Variants in NAA60 observed in about 807,000 individuals in gnomAD.
The protein encoded by NAA60 is N-alpha-acetyltransferase 60, NatF catalytic subunit, also known as N-alpha-acetyltransferase 60.
A neutral mutation model predicts 26.1 loss-of-function variants in NAA60; 8 were observed. The observed-to-expected ratio is 0.31, with a 90% confidence interval of 0.18 to 0.55. The LOEUF (loss-of-function observed/expected upper bound fraction) is 0.55. NAA60 is among the 20% of genes least tolerant of loss of function. The pLI is 0.93. For synonymous variants in NAA60, 131 were observed against 122.5 expected, an observed-to-expected ratio of 1.07 and a Z score of -0.46; for missense variants, 290 against 311.3, an observed-to-expected ratio of 0.93 and a Z score of 0.51.
rs956569879 is a variant in NAA60 at position 3,466,266 on chromosome 16, C to G, written c.-6-9956C>G. The stretch of plus-strand genomic sequence containing the variant: ...GAGTTGTATGCGGCCACTCTGCGGG[C>G]TCCCCTCGGCACATGATGGTCTTCA... On this transcript the variant is annotated intron_variant, in intron 2 of 7. Coordinates refer to ENST00000407558, the MANE Select transcript of NAA60 (RefSeq NM_001083601.3). 3.9e-5 allele frequency among the ~76,000 whole-genome samples: 6 copies of G among 152,352 alleles called. No individual in the cohort carries two copies. The East Asian group carries it at 1.2e-3, about 29-fold the overall frequency.
intron 4 of NAA60, among the ~76,000 whole-genome samples, 152 bp downstream of exon 4, chr16:3,479,752 C>T (rs2036708201): frequency 6.7e-6 from 1 of 148,628 alleles, no homozygotes; most frequent in Admixed American, 6.7e-5. Flanking sequence ...TTGTCCCTGG[C>T]TGGTGCTTTT....
intron 2 of NAA60, among the ~76,000 whole-genome samples, chr16:3,467,303 G>C (rs1325272678): frequency 6.6e-6 from 1 of 152,106 alleles, no homozygotes; most frequent in Non-Finnish European, 1.5e-5. Flanking sequence ...GTGCAGGTAG[G>C]GACTGGCAGG....
At chr16:3,446,483 A>G (rs1596276722) in intron 1 of NAA60, among the ~76,000 whole-genome samples, 1 of 148,912 alleles carries the variant, frequency 6.7e-6, no homozygotes, top group African/African-American at 2.5e-5. Flanking sequence ...GTGAGCCGAG[A>G]TCACACCACT....
chr16:3,454,038 G>A (rs911930745), intron 2 of NAA60, among the ~76,000 whole-genome samples: 3 of 152,162 alleles, frequency 2.0e-5, no homozygotes, highest in Non-Finnish European at 4.4e-5. Context: ...GGGATTGTCG[G>A]AAAGAGGCCT....
At chr16:3,456,728 T>C (rs2035013327) in intron 2 of NAA60, 1 of 152,264 alleles carries the variant, frequency 6.6e-6, no homozygotes, top group South Asian at 2.1e-4. Flanking sequence ...GCAGTTATTT[T>C]TTAAAAGGAG....
At chr16:3,452,748 A>G (rs1455902312) in intron 2 of NAA60, among the ~76,000 whole-genome samples, 1 of 151,562 alleles carries the variant, frequency 6.6e-6, no homozygotes, top group Non-Finnish European at 1.5e-5. Context: ...TTGCACCAGG[A>G]GTTCGAGACC....
In NAA60 at chr16:3,457,942, C is replaced by T. The variant is rs557322437; in HGVS notation, c.-7+9402C>T. 13 of 975,720 alleles carry T rather than the reference C, an allele frequency of 1.3e-5. No individual in the cohort carries two copies. In the South Asian group the frequency reaches 4.7e-4, roughly 36 times the overall value. 60.4% of individuals were successfully genotyped at this position (975,720 alleles called of 1,614,324 possible). A position where few individuals can be genotyped will look rare whatever the true frequency, so the allele number is the denominator to read the frequency against. ...AACCTGCCCGCTCCCAACATGGCGGCAGCGCCGGCCTCAGGGGGCGGGGCC... is the reference window on the plus strand; with the variant it reads ...AACCTGCCCGCTCCCAACATGGCGGTAGCGCCGGCCTCAGGGGGCGGGGCC... On this transcript the variant is annotated intron_variant, in intron 2 of 7. Transcript: ENST00000407558.
At chr16:3,449,092 G>A (rs897040352) in intron 2 of NAA60, 2 of 152,278 alleles carry the variant, frequency 1.3e-5, no homozygotes, top group African/African-American at 4.8e-5. Flanking sequence ...GGAGCCAAAG[G>A]GCTGGGCGCA....
intron 2 of NAA60, among the ~76,000 whole-genome samples, chr16:3,454,481 C>T (rs895581088): frequency 1.3e-5 from 2 of 152,104 alleles, no homozygotes; most frequent in African/African-American, 2.4e-5. Flanking sequence ...AACAGAATTT[C>T]TGCGAGAGAT....
chr16:3,482,977 G>T (rs961314058), intron 5 of NAA60: 2 of 463,706 alleles, frequency 4.3e-6, no homozygotes, highest in Admixed American at 3.8e-5. Context: ...AACACTCACC[G>T]TTTCTCCGAT....
intron 2 of NAA60, chr16:3,456,919 A>T (rs978267242): frequency 2.0e-5 from 3 of 152,142 alleles, no homozygotes; most frequent in Non-Finnish European, 4.4e-5. Flanking sequence ...CCTCCCAGGT[A>T]GGTGGGATTA....
intron 2 of NAA60, among the ~76,000 whole-genome samples, chr16:3,461,165 C>G (rs2035368242): frequency 6.6e-6 from 1 of 152,178 alleles, no homozygotes; most frequent in African/African-American, 2.4e-5. Context: ...AAAGAGAGAC[C>G]TGTGTTTGAA....
rs762660824 is a variant in NAA60 at position 3,476,350 on chromosome 16, G to T, written c.110+13G>T. 2.2e-5 allele frequency: 35 copies of T among 1,609,062 alleles called. No homozygotes were observed. Among genetic ancestry groups the T allele is most frequent in the Non-Finnish European group, 2.8e-5 (33 of 1,176,150 alleles). ...GGTTCCCCATCGAGTAAGTGGAGCG[G>T]ATTGCAGGGTTGGGGAGAGCCCGTG... On this transcript the variant is annotated intron_variant, in intron 3 of 7. Coordinates refer to ENST00000407558, the MANE Select transcript of NAA60 (RefSeq NM_001083601.3).
rs546624534 is a variant in NAA60 at position 3,449,362 on chromosome 16, C to CA, written c.-7+828dup. ...TGAAACCCCATCTTTACTAAAAATA[C>CA]AAAAAATTAGCTGGGCGTGGTGGTG... is the stretch of plus-strand genomic sequence containing the variant. On this transcript the variant is annotated intron_variant, in intron 2 of 7. Coordinates refer to ENST00000407558, the MANE Select transcript of NAA60 (RefSeq NM_001083601.3). Among the ~76,000 whole-genome samples, 189 of 151,992 alleles carry CA rather than the reference C, an allele frequency of 1.2e-3. 1 individual carries two copies. Among genetic ancestry groups the CA allele is most frequent in the African/African-American group, 4.4e-3 (183 of 41,464 alleles).
At chr16:3,464,120 G>T (rs895326947) in intron 2 of NAA60, among the ~76,000 whole-genome samples, 2 of 152,064 alleles carry the variant, frequency 1.3e-5, no homozygotes, top group African/African-American at 4.8e-5. Context: ...TGCACCCTCC[G>T]CCTCCTGGGT....
chr16:3,459,377 TA>T (rs2150961485), intron 2 of NAA60, among the ~76,000 whole-genome samples: 1 of 152,304 alleles, frequency 6.6e-6, no homozygotes, highest in East Asian at 1.9e-4. Flanking sequence ...ATCTTTGAAT[TA>T]AAAAGCATCT....
intron 2 of NAA60, among the ~76,000 whole-genome samples, chr16:3,453,992 C>T (rs978968817): frequency 6.6e-6 from 1 of 152,114 alleles, no homozygotes; most frequent in African/African-American, 2.4e-5. Flanking sequence ...GGGTTGGATA[C>T]TGGACTTAGT....
intron 2 of NAA60, among the ~76,000 whole-genome samples, chr16:3,465,895 C>A (rs578092460): frequency 6.6e-6 from 1 of 152,224 alleles, no homozygotes; most frequent in African/African-American, 2.4e-5. Flanking sequence ...AATGCAATTG[C>A]GATAAATTAA....
intron 2 of NAA60, among the ~76,000 whole-genome samples, chr16:3,449,757 G>T (rs941599967): frequency 1.3e-5 from 2 of 152,046 alleles, no homozygotes; most frequent in South Asian, 4.2e-4. Context: ...CCCAGTAGGA[G>T]GTAATTGAAT....
Sources: allele counts gnomAD v4.1 joint callset (sites outside exome capture counted in the v4.1 genomes callset), GRCh38; gene constraint gnomAD v4.1.1; transcripts MANE v1.5; gene names NCBI Gene and HGNC (gene_info 2026-07-23, HGNC 2026-07-21).